The following ADAMTS19 variants were observed in gnomAD, a reference collection of about 807,000 sequenced individuals.
ADAMTS19 encodes the protein A disintegrin and metalloproteinase with thrombospondin motifs 19.
Under a neutral mutation model 153.3 loss-of-function variants are expected in ADAMTS19, and 93 were observed. That is an observed-to-expected ratio of 0.61 (90% CI 0.51 to 0.72). ADAMTS19 has a LOEUF of 0.72. ADAMTS19 is among the 30% of genes least tolerant of loss of function. The pLI, the probability that ADAMTS19 is intolerant of heterozygous loss-of-function variation, is 0.00. For synonymous variants in ADAMTS19, 600 were observed against 556.6 expected (o/e 1.08, Z -1.10); for missense variants, 1,482 against 1,552.1 (o/e 0.95, Z 0.76).
chr5:129,505,430 T>C (rs537019167), intron 2 of ADAMTS19, among the ~76,000 whole-genome samples: 4 of 152,290 alleles, frequency 2.6e-5, no homozygotes, highest in African/African-American at 9.6e-5. Flanking sequence ...ATCTATTTAA[T>C]AGCCCATAGT....
At position 129,646,259 on chromosome 5, in the gene ADAMTS19, A is replaced by T. The variant is rs1753064026; in HGVS notation, c.1873-1506A>T. Among the ~76,000 whole-genome samples the T allele has an allele frequency of 3.3e-5, 5 of 152,178 alleles. No individual in the cohort carries two copies. In the South Asian group the frequency reaches 1.0e-3, roughly 32 times the overall value. ...ATTTAATGAGAATCTTAGAATATTG[A>T]TATTCTCTGAGTTGTTGATCTTTAT... On this transcript the variant is annotated intron_variant, in intron 11 of 22. Transcript: ENST00000274487.
At chr5:129,552,053 C>A in intron 7 of ADAMTS19, 146 bp downstream of exon 7, 2 of 529,506 alleles carry the variant, frequency 3.8e-6, no homozygotes, top group South Asian at 3.1e-5. Context: ...TATGTTTAAT[C>A]ATTTGTCAGC....
intron 16 of ADAMTS19, among the ~76,000 whole-genome samples, chr5:129,671,723 A>G (rs893173968): frequency 6.6e-6 from 1 of 152,156 alleles, no homozygotes; most frequent in African/African-American, 2.4e-5. Flanking sequence ...AGATTCTGGC[A>G]TTATTGTCTT....
intron 7 of ADAMTS19, among the ~76,000 whole-genome samples, chr5:129,560,214 C>T (rs1291813857): frequency 1.3e-5 from 2 of 152,168 alleles, no homozygotes; most frequent in Non-Finnish European, 2.9e-5. Flanking sequence ...ATCAGTCTAA[C>T]TTATTTTAAT....
chr5:129,653,563 G>A (rs1301970291), intron 13 of ADAMTS19, among the ~76,000 whole-genome samples: 3 of 152,128 alleles, frequency 2.0e-5, no homozygotes, highest in African/African-American at 7.2e-5. Flanking sequence ...CGTACACAAC[G>A]ACATGGTTTC....
chr5:129,656,231 T>C (rs2127060018), intron 14 of ADAMTS19, among the ~76,000 whole-genome samples: 1 of 152,324 alleles, frequency 6.6e-6, no homozygotes, highest in South Asian at 2.1e-4. Context: ...AAATTAGAAT[T>C]ATTTGAAATG....
In ADAMTS19 at chr5:129,622,225, A is replaced by C; in HGVS notation, c.1647A>C (p.Gln549His). The change falls in exon 10 of 23, where the codon CAA becomes CAC. Residue 549 changes from glutamine to histidine, a missense_variant. Gln to His is a conservative substitution (Grantham distance 24). Coordinates refer to ENST00000274487, the MANE Select transcript of ADAMTS19 (RefSeq NM_133638.6). ...LRSKASNCLL[Q>H]TNPQSVNSVM... ...CAAAGGCCAGTAACTGCTTGCTACA[A>C]ACAAATCCGCAGAGTGTCAATTCTG... The C allele has an allele frequency of 6.2e-7, 1 of 1,614,094 alleles. No homozygotes were observed. Among genetic ancestry groups the C allele is most frequent in the South Asian group, 1.1e-5 (1 of 91,086 alleles).
intron 21 of ADAMTS19, among the ~76,000 whole-genome samples, chr5:129,710,767 A>T (rs555202263): frequency 6.6e-6 from 1 of 152,286 alleles, no homozygotes; most frequent in African/African-American, 2.4e-5. Flanking sequence ...CTGAAGGAAA[A>T]CTCAGTGAGT....
At position 129,634,974 on chromosome 5, in the gene ADAMTS19, G is replaced by T. The variant is rs149227405; in HGVS notation, c.1771-6885G>T. Among the ~76,000 whole-genome samples the T allele has an allele frequency of 3.4e-4, 52 of 152,192 alleles. No homozygotes were observed. The East Asian group carries it at 0.01, about 29-fold the overall frequency. On this transcript the variant is annotated intron_variant, in intron 10 of 22. Transcript: ENST00000274487. ...AAATAAACTATCAAGTTTCCACCAAGAGTGGACAGACAGCCTACAGAGTGG... is the reference window on the plus strand; with the variant it reads ...AAATAAACTATCAAGTTTCCACCAATAGTGGACAGACAGCCTACAGAGTGG...
intron 14 of ADAMTS19, among the ~76,000 whole-genome samples, chr5:129,657,333 T>C (rs1405312232): frequency 6.6e-6 from 1 of 152,214 alleles, no homozygotes; most frequent in Admixed American, 6.5e-5. Flanking sequence ...ATTCTGTTTT[T>C]GTTTCAGTTG....
At chr5:129,565,720 T>C (rs1753681880) in intron 7 of ADAMTS19, among the ~76,000 whole-genome samples, 1 of 152,162 alleles carries the variant, frequency 6.6e-6, no homozygotes, top group Admixed American at 6.5e-5. Flanking sequence ...TTTTATCTTT[T>C]TCTATCATAG....
intron 21 of ADAMTS19, among the ~76,000 whole-genome samples, chr5:129,727,743 C>A (rs559955791): frequency 6.6e-6 from 1 of 152,182 alleles, no homozygotes; most frequent in South Asian, 2.1e-4. Context: ...TAAATATAAG[C>A]TTTAACAAAG....
At chr5:129,694,101 G>C (rs1428750665) in intron 18 of ADAMTS19, among the ~76,000 whole-genome samples, 2 of 152,080 alleles carry the variant, frequency 1.3e-5, no homozygotes, top group Non-Finnish European at 2.9e-5. Context: ...GCTAAAAGAT[G>C]GCCACAATCC....
At chr5:129,560,337 G>A (rs1753457783) in intron 7 of ADAMTS19, among the ~76,000 whole-genome samples, 1 of 152,046 alleles carries the variant, frequency 6.6e-6, no homozygotes, top group Non-Finnish European at 1.5e-5. Flanking sequence ...ATTTCATTGA[G>A]TTTAGTTATT....
rs1039246074 is a variant in ADAMTS19, at chr5:129,721,680, C to T, written c.3313-13252C>T. ...GGTAAACGTGTGCCATGGTGGTTTG[C>T]TGTACCTTTCAACCTGTCACCTAGA... On this transcript the variant is annotated intron_variant, in intron 21 of 22. Coordinates refer to ENST00000274487, the MANE Select transcript of ADAMTS19 (RefSeq NM_133638.6). Among the ~76,000 whole-genome samples the T allele has an allele frequency of 1.3e-4, 20 of 152,162 alleles. No individual in the cohort carries two copies. In the South Asian group the frequency reaches 3.9e-3, roughly 30 times the overall value.
At chr5:129,635,356 C>T (rs1226345831) in intron 10 of ADAMTS19, among the ~76,000 whole-genome samples, 1 of 152,158 alleles carries the variant, frequency 6.6e-6, no homozygotes, top group Non-Finnish European at 1.5e-5. Flanking sequence ...GGCAATTCCT[C>T]AAAGAGCTAA....
Position 129,535,053 on chromosome 5 carries a change from G to T in ADAMTS19, c.1328+6376G>T, listed in dbSNP as rs1752362919. Among the ~76,000 whole-genome samples the T allele has an allele frequency of 2.6e-5, 4 of 152,296 alleles. No individual in the cohort carries two copies. The South Asian group carries it at 8.3e-4, about 32-fold the overall frequency. ...ACTCCTATTCAACATAGTGTTGGAA[G>T]TTCTGGCCAGGACAGTCAGGCAGGA... On this transcript the variant is annotated intron_variant, in intron 6 of 22. Transcript: ENST00000274487.
intron 3 of ADAMTS19, among the ~76,000 whole-genome samples, chr5:129,524,932 T>A (rs1026215340): frequency 2.6e-5 from 4 of 152,160 alleles, no homozygotes; most frequent in Admixed American, 2.6e-4. Flanking sequence ...TAATCTTTTG[T>A]ACTTGGCCTC....
chr5:129,586,652 G>C (rs1253800736), intron 7 of ADAMTS19, among the ~76,000 whole-genome samples: 1 of 152,172 alleles, frequency 6.6e-6, no homozygotes, highest in East Asian at 1.9e-4. Context: ...ATTTTCAGCT[G>C]CTTTAGGTAA....
Sources: gnomAD v4.1 joint callset for allele counts (sites outside exome capture counted in the v4.1 genomes callset) on GRCh38, gnomAD v4.1.1 for gene constraint, MANE v1.5 for transcripts, NCBI Gene and HGNC (gene_info 2026-07-23, HGNC 2026-07-21) for gene names.